CFAP299: variants seen among roughly 807,000 people sequenced by gnomAD.
The protein encoded by CFAP299 is cilia and flagella associated protein 299, also known as cilia- and flagella-associated protein 299.
In CFAP299, 21 loss-of-function variants were observed where a neutral mutation model predicts 27.0. The observed-to-expected ratio is 0.78, with a 90% CI of 0.55 to 1.12. CFAP299 has a LOEUF of 1.12. Among genes scored for constraint, CFAP299 ranks in the 50% most tolerant of loss-of-function variants. The pLI is 0.00. For synonymous variants in CFAP299, 104 were observed against 98.1 expected (o/e 1.06, Z -0.36); for missense variants, 310 against 276.6 (o/e 1.12, Z -0.86).
chr4:80,567,158 ATTTCTTGAC>A (rs1177897513), intron 2 of CFAP299, among the ~76,000 whole-genome samples: 1 of 152,092 alleles, frequency 6.6e-6, no homozygotes, highest in African/African-American at 2.4e-5. Flanking sequence ...GCATGTTAAC[ATTTCTTGAC>A]TTTCTTCTGT....
intron 1 of CFAP299, among the ~76,000 whole-genome samples, chr4:80,357,017 C>T (rs372811705): frequency 6.6e-6 from 1 of 151,942 alleles, no homozygotes; most frequent in South Asian, 2.1e-4. Context: ...TCCTTCAATA[C>T]CTGGTTTATT....
chr4:80,603,014 C>T (rs1737442542), intron 3 of CFAP299, among the ~76,000 whole-genome samples: 1 of 152,050 alleles, frequency 6.6e-6, no homozygotes, highest in African/African-American at 2.4e-5. Flanking sequence ...GTGCCCATGA[C>T]CCCATACTCC....
chr4:80,506,944 GTCTA>G (rs1732067066), intron 2 of CFAP299, among the ~76,000 whole-genome samples: 2 of 152,230 alleles, frequency 1.3e-5, no homozygotes, highest in East Asian at 1.9e-4. Context: ...ATGAACTAAA[GTCTA>G]TCTAACAATA....
chr4:80,914,604 G>T (rs1274034819), intron 4 of CFAP299, among the ~76,000 whole-genome samples: 1 of 152,126 alleles, frequency 6.6e-6, no homozygotes, highest in South Asian at 2.1e-4. Flanking sequence ...CATCATTGTG[G>T]TTTTAATTTA....
At chr4:80,501,701 A>G (rs1027553444) in intron 2 of CFAP299, among the ~76,000 whole-genome samples, 2 of 151,616 alleles carry the variant, frequency 1.3e-5, no homozygotes, top group African/African-American at 2.4e-5. Flanking sequence ...ATTTGTAAAC[A>G]CAGAAAAAAG....
At chr4:80,443,395 T>C (rs984938218) in intron 2 of CFAP299, among the ~76,000 whole-genome samples, 3 of 152,218 alleles carry the variant, frequency 2.0e-5, no homozygotes, top group Non-Finnish European at 4.4e-5. Flanking sequence ...TCAATAAACG[T>C]AATCCATCAC....
chr4:80,725,823 G>A (rs1427758481), intron 3 of CFAP299, among the ~76,000 whole-genome samples: 2 of 152,148 alleles, frequency 1.3e-5, no homozygotes, highest in African/African-American at 2.4e-5. Context: ...CAGAGACTGT[G>A]CTTCAACTTC....
At chr4:80,537,417 C>T (rs1424181761) in intron 2 of CFAP299, among the ~76,000 whole-genome samples, 1 of 152,074 alleles carries the variant, frequency 6.6e-6, no homozygotes, top group Non-Finnish European at 1.5e-5. Context: ...TCATAATAGC[C>T]AAGCTGTGGA....
chr4:80,536,507 TAA>T (rs1009419398), intron 2 of CFAP299, among the ~76,000 whole-genome samples: 2 of 151,912 alleles, frequency 1.3e-5, no homozygotes, highest in African/African-American at 4.8e-5. Flanking sequence ...GATGCTACCA[TAA>T]AAACAGATAT....
chr4:80,924,061 G>A (rs555323435), intron 4 of CFAP299, among the ~76,000 whole-genome samples: 1 of 152,018 alleles, frequency 6.6e-6, no homozygotes, highest in South Asian at 2.1e-4. Context: ...GTGAATAACA[G>A]TTGATTCTAG....
chr4:80,771,676 A>G (rs1373132139), intron 3 of CFAP299, among the ~76,000 whole-genome samples: 1 of 152,114 alleles, frequency 6.6e-6, no homozygotes, highest in African/African-American at 2.4e-5. Flanking sequence ...TGCTCCTTCT[A>G]TGTTATTGCT....
chr4:80,562,457 G>A (rs756272868), intron 2 of CFAP299, among the ~76,000 whole-genome samples: 93 of 151,770 alleles, frequency 6.1e-4, no homozygotes, highest in Non-Finnish European at 1.2e-3. Flanking sequence ...AATTAGCTGG[G>A]TGTAGTGGCG....
chr4:80,591,105 ATTTT>A (rs70944795), intron 3 of CFAP299, among the ~76,000 whole-genome samples: 2 of 126,884 alleles, frequency 1.6e-5, no homozygotes, highest in South Asian at 2.6e-4. Flanking sequence ...ACTTTAGGAA[ATTTT>A]TTTTTTTTTT....
At chr4:80,480,301 G>GTGAT (rs1427540653) in intron 2 of CFAP299, among the ~76,000 whole-genome samples, 1 of 151,890 alleles carries the variant, frequency 6.6e-6, no homozygotes, top group Non-Finnish European at 1.5e-5. Context: ...TGAGCAAATA[G>GTGAT]TGATTCATGA....
intron 4 of CFAP299, among the ~76,000 whole-genome samples, chr4:80,885,717 A>G (rs1733938098): frequency 6.6e-6 from 1 of 152,176 alleles, no homozygotes; most frequent in Non-Finnish European, 1.5e-5. Flanking sequence ...ACCAAAAGTG[A>G]TACTCAGGGA....
chr4:80,945,055 A>C, intron 5 of CFAP299, 116 bp downstream of exon 5: 1 of 1,041,422 alleles, frequency 9.6e-7, no homozygotes, highest in African/African-American at 1.6e-5. Flanking sequence ...TTAGAAAGGA[A>C]ATAACATTTT....
chr4:80,423,973 G>A (rs573130658), intron 2 of CFAP299, among the ~76,000 whole-genome samples: 1 of 152,286 alleles, frequency 6.6e-6, no homozygotes, highest in South Asian at 2.1e-4. Context: ...CTTTCTGCAG[G>A]TGGTCCTTCC....
intron 1 of CFAP299, among the ~76,000 whole-genome samples, chr4:80,338,152 C>T (rs932214675): frequency 6.6e-6 from 1 of 152,098 alleles, no homozygotes; most frequent in East Asian, 1.9e-4. Flanking sequence ...TTGAATGGAA[C>T]AACTTTTAAA....
rs573662202 is a variant in CFAP299 at position 80,496,435 on chromosome 4, C to T, written c.243-86658C>T. Among the ~76,000 whole-genome samples the T allele has an allele frequency of 2.1e-3, 318 of 152,306 alleles. 3 individuals are homozygous for T. Among genetic ancestry groups the T allele is most frequent in the South Asian group, 0.013 (63 of 4,830 alleles). ...CTTTGCTAAGGCATAACACATGTGA[C>T]CTTTGCTCCAGTTCCCAATAAGTTC... On this transcript the variant is annotated intron_variant, in intron 2 of 5. Transcript: ENST00000358105.
Sources: gnomAD v4.1 joint callset for allele counts (sites outside exome capture counted in the v4.1 genomes callset) on GRCh38, gnomAD v4.1.1 for gene constraint, MANE v1.5 for transcripts, NCBI Gene and HGNC (gene_info 2026-07-23, HGNC 2026-07-21) for gene names.